OSBPL8: variants seen among roughly 807,000 people sequenced by gnomAD.
OSBPL8 encodes oxysterol binding protein like 8.
A neutral mutation model predicts 125.5 loss-of-function variants in OSBPL8; 59 were observed. That is an observed-to-expected ratio of 0.47 (90% CI 0.38 to 0.58). The LOEUF is 0.58. OSBPL8 is among the 20% of genes least tolerant of loss of function. OSBPL8 has a pLI of 0.00. For synonymous variants in OSBPL8, 330 were observed against 338.9 expected (o/e 0.97, Z 0.29); for missense variants, 758 against 1,047.8 (o/e 0.72, Z 3.82).
intron 2 of OSBPL8, among the ~76,000 whole-genome samples, chr12:76,482,388 C>T (rs558337974): frequency 2.0e-5 from 3 of 152,110 alleles, no homozygotes; most frequent in African/African-American, 4.8e-5. Context: ...CTAAGGCGGG[C>T]GGATCACTTG....
intron 21 of OSBPL8, among the ~76,000 whole-genome samples, chr12:76,365,498 T>C (rs906959173): frequency 6.6e-6 from 1 of 152,210 alleles, no homozygotes; most frequent in East Asian, 1.9e-4. Flanking sequence ...TTAGCTCCAG[T>C]AGCTTTCTAT....
At chr12:76,515,017 T>C (rs1288576871) in intron 1 of OSBPL8, among the ~76,000 whole-genome samples, 2 of 152,236 alleles carry the variant, frequency 1.3e-5, no homozygotes, top group African/African-American at 2.4e-5. Context: ...TTCTTTTTTA[T>C]ACCAGCAATT....
At chr12:76,494,870 T>C (rs1357379033) in intron 1 of OSBPL8, among the ~76,000 whole-genome samples, 1 of 152,134 alleles carries the variant, frequency 6.6e-6, no homozygotes, top group Non-Finnish European at 1.5e-5. Context: ...AGATCTGAGC[T>C]GGAGATAAAA....
At chr12:76,378,701 T>C in intron 15 of OSBPL8, 151 bp from the exon 16 acceptor site, 1 of 595,570 alleles carries the variant, frequency 1.7e-6, no homozygotes, top group East Asian at 2.8e-5. Flanking sequence ...ATTCATTACC[T>C]TATATCCAAA....
chr12:76,374,080 T>G (rs1335670554), intron 17 of OSBPL8, among the ~76,000 whole-genome samples: 1 of 152,106 alleles, frequency 6.6e-6, no homozygotes, highest in African/African-American at 2.4e-5. Context: ...AAAAATAAAA[T>G]AAAAGACATT....
intron 1 of OSBPL8, among the ~76,000 whole-genome samples, chr12:76,543,380 C>T (rs1472209261): frequency 1.3e-5 from 2 of 152,000 alleles, no homozygotes; most frequent in Non-Finnish European, 2.9e-5. Context: ...AAAAATAATA[C>T]CTTCAAAATA....
At chr12:76,515,523 A>G (rs1340964971) in intron 1 of OSBPL8, among the ~76,000 whole-genome samples, 1 of 152,146 alleles carries the variant, frequency 6.6e-6, no homozygotes, top group Admixed American at 6.5e-5. Context: ...TGGCTCCGCA[A>G]TTTCCTCACA....
intron 1 of OSBPL8, among the ~76,000 whole-genome samples, chr12:76,539,180 T>C (rs1008144064): frequency 1.3e-5 from 2 of 152,050 alleles, no homozygotes; most frequent in Non-Finnish European, 2.9e-5. Context: ...GATATCAACT[T>C]TTTTAAAAGT....
At chr12:76,385,309 T>G (rs1953263756) in intron 14 of OSBPL8, among the ~76,000 whole-genome samples, 2 of 152,172 alleles carry the variant, frequency 1.3e-5, no homozygotes, top group South Asian at 4.1e-4. Flanking sequence ...CCACTGTTAT[T>G]GAAAGAGAAT....
At chr12:76,524,005 C>T (rs901710697) in intron 1 of OSBPL8, among the ~76,000 whole-genome samples, 20 of 152,114 alleles carry the variant, frequency 1.3e-4, no homozygotes, top group African/African-American at 2.4e-4. Context: ...GATTATGATA[C>T]GTTAACTTTT....
At chr12:76,545,779 T>A (rs778878107) in intron 1 of OSBPL8, among the ~76,000 whole-genome samples, 13 of 152,142 alleles carry the variant, frequency 8.5e-5, no homozygotes, top group Non-Finnish European at 1.9e-4. Context: ...AAACAGGAAC[T>A]GTGAAAACCA....
At chr12:76,477,863 T>C (rs1053366070) in intron 2 of OSBPL8, among the ~76,000 whole-genome samples, 2 of 151,118 alleles carry the variant, frequency 1.3e-5, no homozygotes, top group African/African-American at 4.9e-5. Context: ...TATTTAAAAA[T>C]ATATATATCT....
chr12:76,454,208 C>A (rs756086992), intron 3 of OSBPL8, among the ~76,000 whole-genome samples: 11 of 151,958 alleles, frequency 7.2e-5, no homozygotes, highest in Non-Finnish European at 1.3e-4. Context: ...CAGGTATATA[C>A]CAAGAGACAA....
At chr12:76,550,659 T>C (rs184060589) in intron 1 of OSBPL8, among the ~76,000 whole-genome samples, 173 of 152,348 alleles carry the variant, frequency 1.1e-3, no homozygotes, top group African/African-American at 4.0e-3. Context: ...CATTCAAAAC[T>C]GTCCTGGGCC....
At chr12:76,532,897 C>T (rs56031001) in intron 1 of OSBPL8, among the ~76,000 whole-genome samples, 1,638 of 152,260 alleles carry the variant, frequency 0.011, 36 homozygotes, top group African/African-American at 0.038. Flanking sequence ...CAAATGTCTA[C>T]TATTTCTAAA....
chr12:76,485,752 T>C (rs1325653669), intron 2 of OSBPL8, among the ~76,000 whole-genome samples: 1 of 152,180 alleles, frequency 6.6e-6, no homozygotes, highest in African/African-American at 2.4e-5. Context: ...TTAGAGAAGA[T>C]AATTAACCTC....
chr12:76,443,957 A>C (rs999413261), intron 4 of OSBPL8, among the ~76,000 whole-genome samples: 1 of 152,212 alleles, frequency 6.6e-6, no homozygotes, highest in Non-Finnish European at 1.5e-5. Context: ...TAAGGAACAC[A>C]ATCTGGAAAA....
chr12:76,531,293 G>C (rs1261075115), intron 1 of OSBPL8, among the ~76,000 whole-genome samples: 1 of 152,160 alleles, frequency 6.6e-6, no homozygotes, highest in Non-Finnish European at 1.5e-5. Context: ...AACAAGTTGT[G>C]TTACTTAAGT....
At chr12:76,456,099 A>G (rs930585587) in intron 3 of OSBPL8, among the ~76,000 whole-genome samples, 1 of 152,222 alleles carries the variant, frequency 6.6e-6, no homozygotes, top group African/African-American at 2.4e-5. Flanking sequence ...AATTCAACTC[A>G]TCAATATAAA....
Sources: allele counts gnomAD v4.1 joint callset (sites outside exome capture counted in the v4.1 genomes callset), GRCh38; gene constraint gnomAD v4.1.1; transcripts MANE v1.5; gene names NCBI Gene and HGNC (gene_info 2026-07-23, HGNC 2026-07-21).